SHTN1: variants seen among roughly 807,000 people sequenced by gnomAD.
SHTN1 encodes shootin 1.
Under a neutral mutation model 83.1 loss-of-function variants are expected in SHTN1, and 42 were observed. The observed-to-expected ratio is 0.51, with a 90% confidence interval of 0.39 to 0.65. The LOEUF (loss-of-function observed/expected upper bound fraction) is 0.65. Among genes scored for constraint, SHTN1 ranks in the 30% least tolerant of loss-of-function variants. SHTN1 has a pLI of 0.00. For synonymous variants in SHTN1, 224 were observed against 247.7 expected, an observed-to-expected ratio of 0.90 and a Z score of 0.90; for missense variants, 622 against 737.8, an observed-to-expected ratio of 0.84 and a Z score of 1.82.
chr10:117,011,028 G>A (rs1242034212), intron 2 of SHTN1, among the ~76,000 whole-genome samples: 2 of 152,164 alleles, frequency 1.3e-5, no homozygotes, highest in Admixed American at 1.3e-4. Context: ...AAGAATATGT[G>A]CTTTCATCAC....
intron 7 of SHTN1, 123 bp downstream of exon 7, chr10:116,948,793 T>C (rs982308471): frequency 4.1e-6 from 2 of 490,822 alleles, no homozygotes; most frequent in Non-Finnish European, 5.9e-6. Context: ...TGCTAGAAAA[T>C]CACAATATAG....
intron 1 of SHTN1, among the ~76,000 whole-genome samples, chr10:117,091,427 G>A (rs909933683): frequency 2.0e-5 from 3 of 152,166 alleles, no homozygotes; most frequent in Non-Finnish European, 4.4e-5. Context: ...TTCCTTAAAT[G>A]ACAGACATGA....
chr10:117,022,954 C>G (rs1396109098), intron 2 of SHTN1, among the ~76,000 whole-genome samples: 1 of 152,064 alleles, frequency 6.6e-6, no homozygotes, highest in African/African-American at 2.4e-5. Context: ...GTATCAAAAC[C>G]TTGGCATGAT....
chr10:117,125,936 T>C lies in SHTN1; in HGVS notation c.-189+371A>G, dbSNP rs574227226. Among the ~76,000 whole-genome samples the C allele has an allele frequency of 2.0e-5, 3 of 152,282 alleles. 1 individual carries two copies. The East Asian group carries it at 5.8e-4, about 29-fold the overall frequency. ...ACCGATCTAACACATGGCAGTCTTA[T>C]CTAACCCATGAGACGCAAGGGAAGG... On this transcript the variant is annotated intron_variant, in intron 1 of 17. Coordinates refer to the SHTN1 transcript ENST00000392901.
chr10:116,909,174 T>C (rs975913075), intron 14 of SHTN1, among the ~76,000 whole-genome samples: 5 of 152,196 alleles, frequency 3.3e-5, no homozygotes, highest in East Asian at 1.9e-4. Context: ...CAATAAGTCA[T>C]TGATAGGGCT....
At chr10:117,072,096 T>C (rs1853088970) in intron 1 of SHTN1, among the ~76,000 whole-genome samples, 1 of 152,170 alleles carries the variant, frequency 6.6e-6, no homozygotes, top group Admixed American at 6.5e-5. Context: ...TTGACTACAG[T>C]GAATGAAGAA....
chr10:117,065,676 C>G (rs1183253217), intron 1 of SHTN1, among the ~76,000 whole-genome samples: 1 of 144,350 alleles, frequency 6.9e-6, no homozygotes, highest in Non-Finnish European at 1.5e-5. Context: ...CAAGATAGCA[C>G]CACTGCAGTC....
At chr10:116,899,812 G>A (rs1320302235) in intron 16 of SHTN1, among the ~76,000 whole-genome samples, 1 of 152,172 alleles carries the variant, frequency 6.6e-6, no homozygotes, top group African/African-American at 2.4e-5. Flanking sequence ...TAAAGTAAGA[G>A]AATGTGGTTA....
chr10:116,988,976 A>G (rs1046929175), intron 1 of SHTN1, among the ~76,000 whole-genome samples: 2 of 152,186 alleles, frequency 1.3e-5, no homozygotes, highest in Non-Finnish European at 2.9e-5. Context: ...TTTAAAGCAC[A>G]ACAAAGTTTA....
chr10:117,002,614 G>C (rs1251715962), intron 1 of SHTN1, among the ~76,000 whole-genome samples: 2 of 152,128 alleles, frequency 1.3e-5, no homozygotes, highest in Non-Finnish European at 2.9e-5. Flanking sequence ...AATGCTCAAA[G>C]ACCCAGTTAC....
At chr10:117,005,665 G>T, upstream of SHTN1, 1 of 818,096 alleles carries the variant, frequency 1.2e-6, no homozygotes, top group Non-Finnish European at 1.5e-6. Flanking sequence ...CACAGGGGCG[G>T]GCCCAGGGTG....
At chr10:116,949,538 T>C (rs1423326416) in intron 6 of SHTN1, among the ~76,000 whole-genome samples, 1 of 152,174 alleles carries the variant, frequency 6.6e-6, no homozygotes, top group Non-Finnish European at 1.5e-5. Context: ...TAAATGTTGA[T>C]TAGCATTAGG....
At chr10:117,048,345 A>G in intron 2 of SHTN1, 1 of 323,348 alleles carries the variant, frequency 3.1e-6, no homozygotes, top group Non-Finnish European at 4.5e-6. Flanking sequence ...TCATTCACAA[A>G]GAGAATATAA....
At chr10:116,994,071 G>A (rs1223107928) in intron 1 of SHTN1, among the ~76,000 whole-genome samples, 1 of 151,986 alleles carries the variant, frequency 6.6e-6, no homozygotes, top group Admixed American at 6.6e-5. Flanking sequence ...AAATTGCTAA[G>A]GATTAAAACT....
intron 12 of SHTN1, among the ~76,000 whole-genome samples, chr10:116,916,608 C>T (rs1481039757): frequency 6.6e-5 from 10 of 152,194 alleles, no homozygotes; most frequent in Admixed American, 2.6e-4. Flanking sequence ...ACTGCATCCC[C>T]GAGCTAATTA....
At chr10:117,066,700 G>T (rs139543134) in intron 1 of SHTN1, among the ~76,000 whole-genome samples, 20 of 152,232 alleles carry the variant, frequency 1.3e-4, no homozygotes, top group Admixed American at 2.6e-4. Context: ...AGAGCAAACA[G>T]CTATCACATA....
At chr10:116,910,055 C>T (rs767494631) in intron 14 of SHTN1, among the ~76,000 whole-genome samples, 61 of 152,152 alleles carry the variant, frequency 4.0e-4, no homozygotes, top group Non-Finnish European at 8.1e-4. Context: ...ACAAGCACCA[C>T]TAAAGACCCA....
chr10:117,113,758 A>T (rs1489283329), intron 1 of SHTN1, among the ~76,000 whole-genome samples: 1 of 152,176 alleles, frequency 6.6e-6, no homozygotes, highest in African/African-American at 2.4e-5. Flanking sequence ...TTAAAAAGTC[A>T]GCTGGGGATG....
chr10:116,922,319 A>G (rs958635271), intron 11 of SHTN1, among the ~76,000 whole-genome samples: 1 of 152,190 alleles, frequency 6.6e-6, no homozygotes, highest in Admixed American at 6.5e-5. Flanking sequence ...ATCAAGTGTT[A>G]GTGGGTTTGT....
Sources: gnomAD v4.1 joint callset for allele counts (sites outside exome capture counted in the v4.1 genomes callset) on GRCh38, gnomAD v4.1.1 for gene constraint, MANE v1.5 for transcripts, NCBI Gene and HGNC (gene_info 2026-07-23, HGNC 2026-07-21) for gene names.